LHPP: variants seen among roughly 807,000 people sequenced by gnomAD.
LHPP encodes phospholysine phosphohistidine inorganic pyrophosphate phosphatase.
A neutral mutation model predicts 30.3 loss-of-function variants in LHPP; 24 were observed. That is an observed-to-expected ratio of 0.79 (90% CI 0.57 to 1.11). The LOEUF is 1.11. LHPP is among the 50% of genes most tolerant of loss of function. The pLI is 0.00. For synonymous variants in LHPP, 150 were observed against 157.1 expected (o/e 0.95, Z 0.34); for missense variants, 356 against 367.2 (o/e 0.97, Z 0.25).
Position 124,510,147 on chromosome 10 carries a change from G to A in LHPP, c.625-7033G>A, listed in dbSNP as rs891581856. 6.6e-6 allele frequency among the ~76,000 whole-genome samples: 1 copy of A among 152,188 alleles called. No homozygotes were observed. The highest frequency in any genetic ancestry group is 1.5e-5 in the Non-Finnish European group (1 of 68,028). On this transcript the variant is annotated intron_variant, in intron 5 of 6. Coordinates refer to ENST00000368842, the MANE Select transcript of LHPP (RefSeq NM_022126.4). The surrounding 1 kb of genome is among the most constrained non-coding windows in gnomAD (Gnocchi z 4.0). ...CCCACCATGTCGTGTCTGAAAGGAA[G>A]CGAAGCCCAGCCCTGGCAGGTGGAG...
intron 6 of LHPP, among the ~76,000 whole-genome samples, chr10:124,558,301 AC>A (rs918542198): frequency 2.0e-5 from 3 of 152,248 alleles, no homozygotes; most frequent in South Asian, 4.1e-4. Flanking sequence ...CCAGCCAGCC[AC>A]CACCTAGTTG....
chr10:124,579,814 G>A (rs1390315538), intron 6 of LHPP, among the ~76,000 whole-genome samples: 1 of 152,178 alleles, frequency 6.6e-6, no homozygotes, highest in African/African-American at 2.4e-5. Flanking sequence ...GAGCAAACAT[G>A]TATGTTCTGT....
intron 3 of LHPP, chr10:124,490,419 G>T: frequency 3.0e-6 from 1 of 333,750 alleles, no homozygotes; most frequent in South Asian, 2.9e-5. Context: ...GCAACCTCAG[G>T]ACCTGAGAGA....
rs145683718 is a variant in LHPP at position 124,570,999 on chromosome 10, T to A, written c.717-42265T>A. ...AGGTCTTTCCCATGTTGTTCTGTTC[T>A]GGTGATAGTGAATTAGTCTCACAAG... On this transcript the variant is annotated intron_variant, in intron 6 of 6. Transcript: ENST00000368842. 3.5e-3 allele frequency among the ~76,000 whole-genome samples: 538 copies of A among 152,348 alleles called. 2 individuals are homozygous for A. The highest frequency in any genetic ancestry group is 0.012 in the African/African-American group (510 of 41,582).
intron 6 of LHPP, among the ~76,000 whole-genome samples, chr10:124,525,396 G>A (rs574533098): frequency 6.6e-6 from 1 of 152,242 alleles, no homozygotes; most frequent in Non-Finnish European, 1.5e-5. Flanking sequence ...TTGACCAGAT[G>A]AGGCCAGACG....
At chr10:124,588,239 C>T (rs756965073) in intron 6 of LHPP, among the ~76,000 whole-genome samples, 1 of 152,170 alleles carries the variant, frequency 6.6e-6, no homozygotes, top group African/African-American at 2.4e-5. Context: ...GCCCTGGGTC[C>T]AGCTGGCCAG....
chr10:124,597,815 G>C (rs1399136566), intron 6 of LHPP, among the ~76,000 whole-genome samples: 1 of 152,240 alleles, frequency 6.6e-6, no homozygotes, highest in Admixed American at 6.5e-5. Flanking sequence ...TGCGCACTGG[G>C]AGGGACGGAG....
chr10:124,530,123 G>A (rs1954856529), intron 6 of LHPP, among the ~76,000 whole-genome samples: 1 of 152,166 alleles, frequency 6.6e-6, no homozygotes, highest in African/African-American at 2.4e-5. Flanking sequence ...AGGAGCGGTG[G>A]GCAGGGGCCA....
In LHPP at chr10:124,610,548, A is replaced by C. The variant is rs878893493; in HGVS notation, c.717-2716A>C. On this transcript the variant is annotated intron_variant, in intron 6 of 6. Transcript: ENST00000368842. ...GGTGAGGGTGCTGATGGAGCGGGTGAGGGTGCGGGTGAGGGTGCTGGTGGA... is the reference window on the plus strand; with the variant it reads ...GGTGAGGGTGCTGATGGAGCGGGTGCGGGTGCGGGTGAGGGTGCTGGTGGA... 3.7e-3 allele frequency among the ~76,000 whole-genome samples: 27 copies of C among 7,294 alleles called. 6 individuals are homozygous for C. The highest frequency in any genetic ancestry group is 7.8e-3 in the Non-Finnish European group (24 of 3,060). The allele number at this position is 7,294 out of a possible 152,430, so 4.8% of individuals were successfully genotyped here.
chr10:124,523,641 G>A lies in LHPP; in HGVS notation c.716+6370G>A, dbSNP rs1184988211. ...CAGCAGTCACATGTCAAAGTGAGTG[G>A]CTAGCAAGCAGGGGGGTCCAGGCTG... On this transcript the variant is annotated intron_variant, in intron 6 of 6. Transcript: ENST00000368842. This position sits in a 1 kb window ranked among gnomAD's most constrained non-coding sequence, Gnocchi z 4.2. 6.6e-6 allele frequency among the ~76,000 whole-genome samples: 1 copy of A among 152,212 alleles called. No individual in the cohort carries two copies. Among genetic ancestry groups the A allele is most frequent in the Non-Finnish European group, 1.5e-5 (1 of 68,040 alleles).
intron 3 of LHPP, among the ~76,000 whole-genome samples, chr10:124,495,174 G>C (rs1320368521): frequency 6.6e-6 from 1 of 152,202 alleles, no homozygotes; most frequent in African/African-American, 2.4e-5. Context: ...CACTCTAAAA[G>C]GGAGGGCATT....
chr10:124,498,286 A>G, intron 5 of LHPP, 158 bp downstream of exon 5: 1 of 1,564,834 alleles, frequency 6.4e-7, no homozygotes, highest in Non-Finnish European at 8.7e-7. Flanking sequence ...AAGGAGGGGG[A>G]AGACAGCAAA....
chr10:124,516,635 A>C (rs1954461807), intron 5 of LHPP, among the ~76,000 whole-genome samples: 1 of 152,182 alleles, frequency 6.6e-6, no homozygotes, highest in South Asian at 2.1e-4. Flanking sequence ...AGTTTATCCC[A>C]GAGGCTAGTT....
At chr10:124,569,598 A>G (rs906168709) in intron 6 of LHPP, among the ~76,000 whole-genome samples, 16 of 152,212 alleles carry the variant, frequency 1.1e-4, no homozygotes, top group African/African-American at 2.4e-5. Context: ...TCACTCGGCC[A>G]GGATTTGCCG....
chr10:124,484,461 A>G, intron 2 of LHPP, 135 bp downstream of exon 2: 2 of 845,368 alleles, frequency 2.4e-6, no homozygotes, highest in East Asian at 2.6e-5. Flanking sequence ...GGTTGGGGGT[A>G]AAAACCTCAT....
At chr10:124,585,060 A>G (rs1948786639) in intron 6 of LHPP, among the ~76,000 whole-genome samples, 1 of 152,244 alleles carries the variant, frequency 6.6e-6, no homozygotes, top group African/African-American at 2.4e-5. Context: ...TCTCATGTAT[A>G]TGCAAATATT....
chr10:124,535,625 C>G (rs1955003960), intron 6 of LHPP, among the ~76,000 whole-genome samples: 1 of 150,222 alleles, frequency 6.7e-6, no homozygotes, highest in Non-Finnish European at 1.5e-5. Context: ...CCAAGCTGGT[C>G]TTAAACTCCT....
chr10:124,539,092 T>G (rs1208493552), intron 6 of LHPP, among the ~76,000 whole-genome samples: 2 of 152,150 alleles, frequency 1.3e-5, no homozygotes, highest in African/African-American at 4.8e-5. Context: ...TCGGGTGATT[T>G]GAGGAAATCT....
intron 5 of LHPP, among the ~76,000 whole-genome samples, chr10:124,507,870 G>C (rs1446829174): frequency 1.5e-4 from 9 of 58,798 alleles, no homozygotes; most frequent in African/African-American, 3.0e-4. Context: ...GATTTCAGGT[G>C]GGGGGGTAGG....
Sources: gnomAD v4.1 joint callset for allele counts (sites outside exome capture counted in the v4.1 genomes callset) on GRCh38, gnomAD v4.1.1 for gene constraint, Gnocchi (gnomAD v3.1) non-coding constraint, MANE v1.5 for transcripts, NCBI Gene and HGNC (gene_info 2026-07-23, HGNC 2026-07-21) for gene names.